UAP1: variants seen among roughly 807,000 people sequenced by gnomAD.
The protein encoded by UAP1 is UDP-N-acetylglucosamine pyrophosphorylase 1.
Under a neutral mutation model 58.5 loss-of-function variants are expected in UAP1, and 25 were observed. That is an observed-to-expected ratio of 0.43 (90% CI 0.31 to 0.60). UAP1 has a LOEUF of 0.60. Ranked by LOEUF, UAP1 falls within the 20% of genes least tolerant of loss-of-function variation. The pLI is 0.11. For synonymous variants in UAP1, 208 were observed against 213.0 expected, an observed-to-expected ratio of 0.98 and a Z score of 0.21; for missense variants, 575 against 630.0, an observed-to-expected ratio of 0.91 and a Z score of 0.93.
intron 9 of UAP1, among the ~76,000 whole-genome samples, chr1:162,596,153 A>C (rs1472239640): frequency 2.0e-5 from 3 of 151,874 alleles, no homozygotes; most frequent in Non-Finnish European, 4.4e-5. Context: ...ACACCCGGCC[A>C]CATTAATTAA....
exon 10 of UAP1, chr1:162,597,833 C>A: frequency 6.2e-7 from 1 of 1,613,182 alleles, no homozygotes; most frequent in Non-Finnish European, 8.5e-7. Flanking sequence ...TGTGAAATCT[C>A]TCCTCTTATC....
exon 6 of UAP1, chr1:162,587,593 A>G (rs1487096341): frequency 6.2e-7 from 1 of 1,614,048 alleles, no homozygotes; most frequent in Non-Finnish European, 8.5e-7. Flanking sequence ...CGAAGCTCAG[A>G]CGGACGACTG....
chr1:162,595,101 G>A (rs1655541307), intron 9 of UAP1, among the ~76,000 whole-genome samples: 1 of 152,230 alleles, frequency 6.6e-6, no homozygotes, highest in Non-Finnish European at 1.5e-5. Flanking sequence ...CCAAAAGGAT[G>A]CATGGCTAAA....
At position 162,590,507 on chromosome 1, in the gene UAP1, C is replaced by G. The variant is rs1431271456; in HGVS notation, c.1354C>G (p.Pro452Ala). ...AAATGGCTCTCGCCTTCCAGCAATTCCCCGGTAAGTCAGTATCTTTTCTCT... is the reference window on the plus strand; with the variant it reads ...AAATGGCTCTCGCCTTCCAGCAATTGCCCGGTAAGTCAGTATCTTTTCTCT... The change falls in exon 8 of 11, where the codon CCC (proline) becomes GCC (alanine). Residue 452 changes from proline (P) to alanine (A), a missense_variant. Transcript: ENST00000271469. The G allele has an allele frequency of 3.8e-6, 6 of 1,599,694 alleles. No homozygotes were observed. In the African/African-American group the frequency reaches 5.4e-5, roughly 14 times the overall value.
At chr1:162,576,754 G>A in intron 2 of UAP1, 23 bp from the exon 3 acceptor site, 1 of 1,604,738 alleles carries the variant, frequency 6.2e-7, no homozygotes, top group Non-Finnish European at 8.5e-7. Flanking sequence ...GAGGTTTTGT[G>A]ATACAAGTGT....
chr1:162,600,401 C>T (rs139285367), downstream of UAP1, among the ~76,000 whole-genome samples: 923 of 151,896 alleles, frequency 6.1e-3, 2 homozygotes, highest in Middle Eastern at 0.027. Context: ...TAAATATGGG[C>T]CATAGATCAT....
chr1:162,570,641 T>TCAAAAA (rs1653805123), intron 2 of UAP1, among the ~76,000 whole-genome samples: 1 of 152,246 alleles, frequency 6.6e-6, no homozygotes, highest in African/African-American at 2.4e-5. Flanking sequence ...AAAAACTGGT[T>TCAAAAA]CAGATAGAGA....
chr1:162,581,173 C>A, intron 4 of UAP1, 114 bp from the exon 5 acceptor site: 1 of 1,218,030 alleles, frequency 8.2e-7, no homozygotes, highest in South Asian at 1.7e-5. Flanking sequence ...GTTTTCTTGC[C>A]TTTGTAAAGC....
intron 2 of UAP1, among the ~76,000 whole-genome samples, chr1:162,568,139 T>C (rs1393108450): frequency 6.6e-6 from 1 of 152,224 alleles, no homozygotes; most frequent in African/African-American, 2.4e-5. Context: ...GTAGTAATAC[T>C]ATACATACAA....
Position 162,566,018 on chromosome 1 carries a change from A to G in UAP1, c.-51A>G, listed in dbSNP as rs765992540. ...AATTACTTTTCTCTTTTAGGTTTAC[A>G]GGTACATACATTACACCCCTATTTC... On this transcript the variant is annotated 5_prime_UTR_variant, in exon 2 of 11. Coordinates refer to ENST00000271469, the Ensembl canonical transcript of UAP1. The G allele has an allele frequency of 2.6e-6, 4 of 1,538,528 alleles. No homozygotes were observed. In the South Asian group the frequency reaches 5.0e-5, roughly 19 times the overall value.
chr1:162,599,193 A>C (rs1655789053), intron 10 of UAP1, 78 bp from the exon 11 acceptor site: 1 of 860,542 alleles, frequency 1.2e-6, no homozygotes, highest in Non-Finnish European at 1.8e-6. Flanking sequence ...TGTGCTTTAA[A>C]TCATCATTAT....
At chr1:162,598,840 CCT>C (rs1378988575) in intron 10 of UAP1, among the ~76,000 whole-genome samples, 1 of 152,028 alleles carries the variant, frequency 6.6e-6, no homozygotes, top group African/African-American at 2.4e-5. Flanking sequence ...ATGATGAAGC[CCT>C]GTTTCTACTA....
At chr1:162,589,115 T>TA (rs1553232254) in intron 7 of UAP1, among the ~76,000 whole-genome samples, 4 of 118,338 alleles carry the variant, frequency 3.4e-5, no homozygotes, top group African/African-American at 1.0e-4. Flanking sequence ...ATATTATATA[T>TA]ATATTTTATA....
At chr1:162,571,688 G>T (rs1018527615) in intron 2 of UAP1, among the ~76,000 whole-genome samples, 1 of 152,130 alleles carries the variant, frequency 6.6e-6, no homozygotes, top group Non-Finnish European at 1.5e-5. Flanking sequence ...TTTATGTTAT[G>T]ACAAAAGCAG....
intron 2 of UAP1, among the ~76,000 whole-genome samples, chr1:162,570,520 T>A (rs1473719832): frequency 6.6e-6 from 1 of 152,208 alleles, no homozygotes; most frequent in East Asian, 1.9e-4. Flanking sequence ...CATCATGTTA[T>A]TTTTATCCTC....
chr1:162,561,674 G>C (rs1653140831), exon 1 of UAP1: 1 of 152,350 alleles, frequency 6.6e-6, no homozygotes, highest in African/African-American at 2.4e-5. Context: ...CCGCCGCCGC[G>C]GCCCCCCGGA....
intron 9 of UAP1, chr1:162,597,493 T>C (rs1655680987): frequency 3.5e-6 from 1 of 289,002 alleles, no homozygotes; most frequent in East Asian, 7.3e-5. Context: ...AAATTGAAAC[T>C]TGGAAATGGT....
intron 3 of UAP1, among the ~76,000 whole-genome samples, chr1:162,578,122 G>A (rs1442210799): frequency 6.6e-6 from 1 of 152,108 alleles, no homozygotes; most frequent in Non-Finnish European, 1.5e-5. Flanking sequence ...CTTTCCCCGA[G>A]CAGTTTTGGA....
At chr1:162,588,488 CTG>C (rs982394373) in intron 6 of UAP1, among the ~76,000 whole-genome samples, 6 of 152,064 alleles carry the variant, frequency 3.9e-5, no homozygotes, top group African/African-American at 1.4e-4. Flanking sequence ...TTAGTGGAGA[CTG>C]TTATTTGATT....
Sources: allele counts gnomAD v4.1 joint callset (sites outside exome capture counted in the v4.1 genomes callset), GRCh38; gene constraint gnomAD v4.1.1; transcripts MANE v1.5; gene names NCBI Gene and HGNC (gene_info 2026-07-23, HGNC 2026-07-21).